The following MKRN2OS variants were observed in gnomAD, a reference collection of about 807,000 sequenced individuals.
MKRN2OS encodes MKRN2 opposite strand.
A neutral mutation model predicts 18.2 loss-of-function variants in MKRN2OS; 17 were observed. The observed-to-expected ratio is 0.93, with a 90% CI of 0.64 to 1.40. MKRN2OS has a LOEUF of 1.40. Among genes scored for constraint, MKRN2OS ranks in the 40% most tolerant of loss-of-function variants. The probability of loss-of-function intolerance (pLI) is 0.00; values close to 1 mark genes in which losing one functional copy is unlikely to be tolerated. For synonymous variants in MKRN2OS, 121 were observed against 108.5 expected (o/e 1.12, Z -0.72); for missense variants, 337 against 283.0 (o/e 1.19, Z -1.37).
chr3:12,557,040 C>CGTGCGCCGGT, intron 1 of MKRN2OS: 1 of 1,171,984 alleles, frequency 8.5e-7, no homozygotes, highest in Non-Finnish European at 1.1e-6. Context: ...CGTGCGCCGG[C>CGTGCGCCGGT]GTGCGCCGGC....
chr3:12,554,405 G>T (rs1028410980), intron 1 of MKRN2OS, among the ~76,000 whole-genome samples: 2 of 152,036 alleles, frequency 1.3e-5, no homozygotes, highest in South Asian at 2.1e-4. Context: ...CCAAGCTGTT[G>T]GGTACAGCTT....
exon 2 of MKRN2OS, chr3:12,553,856 T>C (rs2057945992): frequency 6.6e-6 from 1 of 152,178 alleles, no homozygotes; most frequent in African/African-American, 2.4e-5. Context: ...TCCAGTGTAT[T>C]TCTATATATA....
At chr3:12,554,143 C>G (rs895886444) in intron 1 of MKRN2OS, 1 of 152,172 alleles carries the variant, frequency 6.6e-6, no homozygotes, top group East Asian at 1.9e-4. Flanking sequence ...TCCTAAGGGG[C>G]GAGAACGGGA....
At chr3:12,542,678 C>T (rs1047955753) in intron 2 of MKRN2OS, among the ~76,000 whole-genome samples, 21 of 148,252 alleles carry the variant, frequency 1.4e-4, no homozygotes, top group African/African-American at 4.7e-4. Flanking sequence ...CTATAGGTGG[C>T]CAAAGGAAGT....
Position 12,540,281 on chromosome 3 carries a change from A to T in MKRN2OS, c.584T>A (p.Leu195His), listed in dbSNP as rs1346626487. The stretch of plus-strand genomic sequence containing the variant: ...GCCATGCTCCCGTATCGCCCGGTAG[A>T]GTGTGATGAACTTGGATGCCAGCCT... ...RTRLASKFIT[L>H]YRAIREHGFY... The change falls in exon 4 of 4, where the codon CTC becomes CAC. Residue 195 changes from leucine to histidine, a missense_variant. Leu to His is a moderately conservative substitution (Grantham distance 99). Coordinates refer to ENST00000564146, the MANE Select transcript of MKRN2OS (RefSeq NM_001195279.2). 1.3e-6 allele frequency: 2 copies of T among 1,535,978 alleles called. No homozygotes were observed. The highest frequency in any genetic ancestry group is 2.0e-5 in the Admixed American group (1 of 50,976).
chr3:12,560,998 G>T (rs2058032763), exon 1 of MKRN2OS: 1 of 152,244 alleles, frequency 6.6e-6, no homozygotes, highest in Non-Finnish European at 1.5e-5. Flanking sequence ...CAAGCAGGAT[G>T]TGCTCTAGGT....
At chr3:12,540,799 G>A (rs990577087) in intron 3 of MKRN2OS, among the ~76,000 whole-genome samples, 11 of 150,966 alleles carry the variant, frequency 7.3e-5, no homozygotes, top group Admixed American at 3.3e-4. Context: ...TTGAACCGGC[G>A]GGAGGCAGAG....
downstream of MKRN2OS, among the ~76,000 whole-genome samples, chr3:12,550,562 A>T (rs1254689484): frequency 6.6e-6 from 1 of 152,242 alleles, no homozygotes; most frequent in Non-Finnish European, 1.5e-5. Context: ...AAAAATTTTT[A>T]AAACCTAGCC....
upstream of MKRN2OS, among the ~76,000 whole-genome samples, chr3:12,548,264 C>T (rs926939503): frequency 7.2e-5 from 11 of 151,902 alleles, no homozygotes; most frequent in African/African-American, 1.7e-4. Flanking sequence ...CTGGCTGACA[C>T]GGTGAAACCT....
intron 1 of MKRN2OS, 43 bp downstream of exon 1, chr3:12,545,204 A>G: frequency 7.1e-7 from 1 of 1,415,786 alleles, no homozygotes; most frequent in Non-Finnish European, 9.4e-7. Flanking sequence ...AACAGAAGGA[A>G]AAGTTTGCAC....
At chr3:12,552,524 G>T (rs1209899322), downstream of MKRN2OS, among the ~76,000 whole-genome samples, 1 of 149,722 alleles carries the variant, frequency 6.7e-6, no homozygotes. Context: ...CGATTCTCCT[G>T]CCTCAGCCTC....
At position 12,543,340 on chromosome 3, in the gene MKRN2OS, A is replaced by C; in HGVS notation, c.219-111T>G. The C allele has an allele frequency of 5.8e-6, 5 of 864,516 alleles. No individual in the cohort carries two copies. In the South Asian group the frequency reaches 8.4e-5, roughly 15 times the overall value. The allele number at this position is 864,516 out of a possible 1,614,324, so 53.6% of individuals were successfully genotyped here. A position where few individuals can be genotyped will look rare whatever the true frequency, so the allele number is the denominator to read the frequency against. ...AGTGGCTTAGACCTGTAATCCCAGC[A>C]CTTTGGGAGGCCAAGGCGGGCAGAT... On this transcript the variant is annotated intron_variant, in intron 1 of 3. Coordinates refer to ENST00000564146, the MANE Select transcript of MKRN2OS (RefSeq NM_001195279.2).
intron 1 of MKRN2OS, among the ~76,000 whole-genome samples, chr3:12,559,475 G>A (rs778710785): frequency 7.2e-5 from 11 of 151,922 alleles, no homozygotes; most frequent in Non-Finnish European, 1.5e-4. Flanking sequence ...CAAAGTTTTA[G>A]GTTTGTTTTC....
chr3:12,540,340 A>G lies in MKRN2OS; in HGVS notation c.525T>C (p.Gly175=), dbSNP rs1333108246. The change falls in exon 4 of 4, where the codon GGT becomes GGC. Residue 175 remains glycine, a synonymous_variant. Transcript: ENST00000564146. The part of the protein sequence containing the change: ...MAEGRQQLDK[G]EFTEKYVVPR... ...GGACCACGTACTTCTCCGTAAATTC[A>G]CCCTTGTCCAGTTGCTGTCTACCTT... 6.5e-7 allele frequency: 1 copy of G among 1,535,972 alleles called. No homozygotes were observed. The highest frequency in any genetic ancestry group is 2.4e-5 in the East Asian group (1 of 40,900).
chr3:12,543,591 A>T (rs2125290131), intron 1 of MKRN2OS, among the ~76,000 whole-genome samples: 1 of 150,570 alleles, frequency 6.6e-6, no homozygotes, highest in Non-Finnish European at 1.5e-5. Flanking sequence ...TGTCCAAGAA[A>T]ATAAATAGAG....
At chr3:12,556,685 C>A (rs1309181154) in intron 1 of MKRN2OS, among the ~76,000 whole-genome samples, 1 of 152,056 alleles carries the variant, frequency 6.6e-6, no homozygotes, top group Non-Finnish European at 1.5e-5. Context: ...GAGGCAGGGC[C>A]TGAGAAGGGT....
In MKRN2OS at chr3:12,540,173, A is replaced by T; in HGVS notation, c.*20T>A. On this transcript the variant is annotated 3_prime_UTR_variant, in exon 4 of 4. Transcript: ENST00000564146. ...GCAACCACCCTACCCTCCAGCGTCC[A>T]GGCTGCGCTTACATAGCTCTCAGCA... is the stretch of plus-strand genomic sequence containing the variant. 6.5e-7 allele frequency: 1 copy of T among 1,536,082 alleles called. No homozygotes were observed. Among genetic ancestry groups the T allele is most frequent in the Non-Finnish European group, 8.7e-7 (1 of 1,146,860 alleles).
At chr3:12,557,034 C>CGCCGGCGTGG in intron 1 of MKRN2OS, 1 of 893,254 alleles carries the variant, frequency 1.1e-6, no homozygotes, top group Non-Finnish European at 1.4e-6. Flanking sequence ...GGGCGGCGTG[C>CGCCGGCGTGG]GCCGGCGTGC....
downstream of MKRN2OS, among the ~76,000 whole-genome samples, chr3:12,553,188 C>T (rs2057942255): frequency 6.6e-6 from 1 of 151,994 alleles, no homozygotes; most frequent in East Asian, 1.9e-4. Context: ...ACCAGCATAT[C>T]CCAGATACCA....
Sources: gnomAD v4.1 joint callset for allele counts (sites outside exome capture counted in the v4.1 genomes callset) on GRCh38, gnomAD v4.1.1 for gene constraint, MANE v1.5 for transcripts, NCBI Gene and HGNC (gene_info 2026-07-23, HGNC 2026-07-21) for gene names.